The following CNTN5 variants were observed in gnomAD, a reference collection of about 807,000 sequenced individuals.
The protein encoded by CNTN5 is contactin 5, also known as contactin-5.
A neutral mutation model predicts 129.1 loss-of-function variants in CNTN5; 77 were observed. That is an observed-to-expected ratio of 0.60 (90% CI 0.50 to 0.72). The LOEUF is 0.72. Ranked by LOEUF, CNTN5 falls within the 30% of genes least tolerant of loss-of-function variation. CNTN5 has a pLI of 0.00. For missense variants in CNTN5, 1,478 were observed against 1,328.8 expected (o/e 1.11, Z -1.75); for synonymous variants, 509 against 465.6 (o/e 1.09, Z -1.20).
intron 21 of CNTN5, chr11:100,336,816 C>T: frequency 2.4e-6 from 1 of 408,468 alleles, no homozygotes; most frequent in Non-Finnish European, 4.5e-6. Flanking sequence ...TTCCCCAGAC[C>T]CTAACCTTCC....
intron 1 of CNTN5, among the ~76,000 whole-genome samples, chr11:99,040,332 T>C (rs914137717): frequency 3.3e-5 from 5 of 152,146 alleles, no homozygotes; most frequent in Admixed American, 3.3e-4. Context: ...ATGTGTAGCT[T>C]AAGTAAGTCA....
intron 1 of CNTN5, among the ~76,000 whole-genome samples, chr11:99,026,278 A>G (rs1339726897): frequency 6.6e-6 from 1 of 151,514 alleles, no homozygotes; most frequent in Non-Finnish European, 1.5e-5. Flanking sequence ...TTATTTTGTT[A>G]TTTTAAAACC....
At chr11:99,322,689 T>C (rs940866250) in intron 1 of CNTN5, among the ~76,000 whole-genome samples, 1 of 152,120 alleles carries the variant, frequency 6.6e-6, no homozygotes, top group African/African-American at 2.4e-5. Flanking sequence ...CACTCTAGGA[T>C]AAGGGACAAA....
chr11:100,153,348 T>C (rs554318506), intron 13 of CNTN5, among the ~76,000 whole-genome samples: 208 of 152,266 alleles, frequency 1.4e-3, no homozygotes, highest in African/African-American at 4.9e-3. Context: ...ACAAGTACTT[T>C]TAAAATTATT....
intron 9 of CNTN5, among the ~76,000 whole-genome samples, chr11:100,046,322 T>C (rs1347270494): frequency 2.6e-5 from 4 of 152,180 alleles, no homozygotes; most frequent in African/African-American, 9.6e-5. Context: ...AACAATAATT[T>C]TGAAGCTCAC....
chr11:99,938,258 C>T (rs1193192215), intron 7 of CNTN5, among the ~76,000 whole-genome samples: 1 of 152,048 alleles, frequency 6.6e-6, no homozygotes, highest in Admixed American at 6.6e-5. Flanking sequence ...TAAACCATAC[C>T]CATGTCTTGT....
At chr11:99,157,387 T>C (rs1418694213) in intron 1 of CNTN5, among the ~76,000 whole-genome samples, 1 of 152,112 alleles carries the variant, frequency 6.6e-6, no homozygotes, top group Non-Finnish European at 1.5e-5. Context: ...TTTCCAGTAA[T>C]TGAATTGCTT....
intron 1 of CNTN5, among the ~76,000 whole-genome samples, chr11:99,061,368 A>G (rs935062789): frequency 6.6e-6 from 1 of 152,124 alleles, no homozygotes; most frequent in African/African-American, 2.4e-5. Flanking sequence ...GTATGTGGAA[A>G]GCTGTATCAG....
chr11:99,418,016 G>T (rs895408826), intron 2 of CNTN5, among the ~76,000 whole-genome samples: 1 of 152,074 alleles, frequency 6.6e-6, no homozygotes, highest in African/African-American at 2.4e-5. Context: ...TATAGCCTTG[G>T]TCACAGAAGT....
At chr11:99,644,479 C>G (rs908110563) in intron 3 of CNTN5, among the ~76,000 whole-genome samples, 2 of 152,048 alleles carry the variant, frequency 1.3e-5, no homozygotes, top group African/African-American at 4.8e-5. Flanking sequence ...ATTAATTCTT[C>G]CTATCTATAG....
intron 2 of CNTN5, among the ~76,000 whole-genome samples, chr11:99,505,793 T>C (rs1217990322): frequency 6.6e-6 from 1 of 152,192 alleles, no homozygotes; most frequent in African/African-American, 2.4e-5. Context: ...GGCCTCATTG[T>C]GTTGCTAAAG....
At chr11:100,216,913 T>C (rs772302180) in intron 15 of CNTN5, among the ~76,000 whole-genome samples, 1 of 152,090 alleles carries the variant, frequency 6.6e-6, no homozygotes, top group South Asian at 2.1e-4. Flanking sequence ...CACAGGAGAA[T>C]AGAAGGAATA....
At chr11:99,255,777 C>T (rs1862346385) in intron 1 of CNTN5, among the ~76,000 whole-genome samples, 1 of 151,238 alleles carries the variant, frequency 6.6e-6, no homozygotes, top group Non-Finnish European at 1.5e-5. Context: ...TATATACACA[C>T]ATACATGCAT....
intron 2 of CNTN5, among the ~76,000 whole-genome samples, chr11:99,456,247 G>A (rs966626703): frequency 1.3e-5 from 2 of 152,022 alleles, no homozygotes; most frequent in South Asian, 4.2e-4. Flanking sequence ...TCATTTAAAA[G>A]GATCATCAAC....
At chr11:99,791,952 A>G (rs1945758815) in intron 3 of CNTN5, among the ~76,000 whole-genome samples, 1 of 152,076 alleles carries the variant, frequency 6.6e-6, no homozygotes, top group African/African-American at 2.4e-5. Flanking sequence ...TGAACATTTA[A>G]TTTGTATCCT....
chr11:99,355,821 GT>G (rs386756715), intron 2 of CNTN5, among the ~76,000 whole-genome samples: 62 of 131,084 alleles, frequency 4.7e-4, no homozygotes, highest in South Asian at 1.7e-3. Flanking sequence ...GTTTTTTTTT[GT>G]TTTTTTTTTT....
chr11:99,916,630 G>C (rs1949796244), intron 7 of CNTN5, among the ~76,000 whole-genome samples: 1 of 152,076 alleles, frequency 6.6e-6, no homozygotes, highest in Non-Finnish European at 1.5e-5. Context: ...AATTTAGTTA[G>C]TACTTTTTGG....
intron 2 of CNTN5, among the ~76,000 whole-genome samples, chr11:99,406,974 T>A (rs55844721): frequency 0.021 from 3,247 of 151,470 alleles, 41 homozygotes; most frequent in Middle Eastern, 0.058. Context: ...CCAAGGTAGG[T>A]CCAAAAATGC....
chr11:99,372,508 A>G (rs1248153664), intron 2 of CNTN5, among the ~76,000 whole-genome samples: 4 of 152,192 alleles, frequency 2.6e-5, no homozygotes, highest in Admixed American at 6.5e-5. Flanking sequence ...TACCTGGCAC[A>G]ACGGACAACC....
Sources: allele counts gnomAD v4.1 joint callset (sites outside exome capture counted in the v4.1 genomes callset), GRCh38; gene constraint gnomAD v4.1.1; transcripts MANE v1.5; gene names NCBI Gene and HGNC (gene_info 2026-07-23, HGNC 2026-07-21).